The following SLC44A5 variants were observed in gnomAD, a reference collection of about 807,000 sequenced individuals.
The protein encoded by SLC44A5 is solute carrier family 44 member 5.
In SLC44A5, 57 loss-of-function variants were observed where a neutral mutation model predicts 101.8. That is an observed-to-expected ratio of 0.56 (90% CI 0.45 to 0.70). SLC44A5 has a LOEUF of 0.70. Among genes scored for constraint, SLC44A5 ranks in the 30% least tolerant of loss-of-function variants. The probability of loss-of-function intolerance (pLI) is 0.00; values close to 1 mark genes in which losing one functional copy is unlikely to be tolerated. For synonymous variants in SLC44A5, 281 were observed against 290.9 expected, an observed-to-expected ratio of 0.97 and a Z score of 0.35; for missense variants, 737 against 853.1, an observed-to-expected ratio of 0.86 and a Z score of 1.70.
chr1:75,449,786 A>C (rs1329713120), intron 2 of SLC44A5, among the ~76,000 whole-genome samples: 2 of 152,132 alleles, frequency 1.3e-5, no homozygotes, highest in African/African-American at 2.4e-5. Context: ...GCGGATCACA[A>C]GGTCAAGAGA....
At chr1:75,360,848 G>A (rs1307956266) in intron 3 of SLC44A5, among the ~76,000 whole-genome samples, 1 of 152,142 alleles carries the variant, frequency 6.6e-6, no homozygotes, top group Non-Finnish European at 1.5e-5. Context: ...TGTGAAAAAT[G>A]CCATTGAAAT....
At chr1:75,564,869 A>C (rs1253107484) in intron 1 of SLC44A5, among the ~76,000 whole-genome samples, 2 of 151,846 alleles carry the variant, frequency 1.3e-5, no homozygotes, top group Non-Finnish European at 2.9e-5. Flanking sequence ...TGATCCACCC[A>C]CCTCGGCCTC....
intron 5 of SLC44A5, among the ~76,000 whole-genome samples, chr1:75,297,871 A>C (rs1249192741): frequency 6.6e-6 from 1 of 152,170 alleles, no homozygotes; most frequent in Non-Finnish European, 1.5e-5. Context: ...TCTCTGTTGC[A>C]CTGAAGTATT....
At chr1:75,241,821 T>A (rs575990764) in intron 9 of SLC44A5, among the ~76,000 whole-genome samples, 180 bp downstream of exon 9, 1 of 152,222 alleles carries the variant, frequency 6.6e-6, no homozygotes, top group East Asian at 1.9e-4. Flanking sequence ...AGTGAAAATG[T>A]ACCTGGCTGG....
the SLC44A5 span, among the ~76,000 whole-genome samples, chr1:75,644,878 C>T: frequency 0.02 from 2,813 of 143,796 alleles, 94 homozygotes; most frequent in African/African-American, 0.068. Context: ...TGAGTGAGAA[C>T]ATGCGGTGTT....
intron 2 of SLC44A5, among the ~76,000 whole-genome samples, chr1:75,468,325 C>A (rs1017427534): frequency 6.6e-5 from 10 of 152,122 alleles, no homozygotes; most frequent in African/African-American, 2.2e-4. Context: ...TGGGTATACA[C>A]CCAAAAGAAA....
At chr1:75,610,951 T>G in intron 1 of SLC44A5, 89 bp downstream of exon 1, 2 of 373,690 alleles carry the variant, frequency 5.4e-6, no homozygotes, top group Non-Finnish European at 3.7e-6. Flanking sequence ...GTGTATTTCT[T>G]GAGTTGTATA....
At chr1:75,679,816 G>C in the SLC44A5 span, among the ~76,000 whole-genome samples, 2 of 152,008 alleles carry the variant, frequency 1.3e-5, no homozygotes, top group African/African-American at 4.8e-5. Flanking sequence ...ACACAGACTG[G>C]CAAATTGGAT....
chr1:75,269,142 CA>C (rs1651248247), intron 6 of SLC44A5, among the ~76,000 whole-genome samples: 1 of 152,012 alleles, frequency 6.6e-6, no homozygotes, highest in Non-Finnish European at 1.5e-5. Flanking sequence ...ACCTATAAGA[CA>C]AAAATAATAT....
At chr1:75,636,024 A>C in the SLC44A5 span, among the ~76,000 whole-genome samples, 1 of 151,790 alleles carries the variant, frequency 6.6e-6, no homozygotes, top group Non-Finnish European at 1.5e-5. Context: ...AATAACATAC[A>C]TTTTCCCCAT....
intron 2 of SLC44A5, among the ~76,000 whole-genome samples, chr1:75,497,454 AGTACAATG>A (rs1261139273): frequency 5.9e-5 from 9 of 152,150 alleles, no homozygotes; most frequent in Admixed American, 1.3e-4. Flanking sequence ...AGAAGAAGAG[AGTACAATG>A]GTGATTTCCT....
At chr1:75,662,466 ATGATAATTTAC>A in the SLC44A5 span, among the ~76,000 whole-genome samples, 11,578 of 151,960 alleles carry the variant, frequency 0.076, 1,465 homozygotes, top group African/African-American at 0.26. Context: ...ACTATAATTA[ATGATAATTTAC>A]TGTATATTTT....
the SLC44A5 span, among the ~76,000 whole-genome samples, chr1:75,704,705 A>T: frequency 6.6e-6 from 1 of 152,338 alleles, no homozygotes; most frequent in Non-Finnish European, 1.5e-5. Flanking sequence ...GCATGTGGTA[A>T]GAGACCAATA....
intron 3 of SLC44A5, among the ~76,000 whole-genome samples, chr1:75,374,045 C>T (rs1660403266): frequency 6.6e-6 from 1 of 152,176 alleles, no homozygotes; most frequent in Non-Finnish European, 1.5e-5. Flanking sequence ...CTGTTAGCTG[C>T]AGCTTCTGCC....
At chr1:75,296,318 GC>G (rs754164266) in intron 5 of SLC44A5, among the ~76,000 whole-genome samples, 24 of 151,616 alleles carry the variant, frequency 1.6e-4, no homozygotes, top group Non-Finnish European at 3.4e-4. Context: ...AGAATTTGCA[GC>G]CATGTATTAA....
intron 1 of SLC44A5, among the ~76,000 whole-genome samples, chr1:75,546,018 C>A (rs1671633867): frequency 6.6e-6 from 1 of 151,752 alleles, no homozygotes; most frequent in Admixed American, 6.6e-5. Context: ...GATGGGGTCT[C>A]CCTATGTTAC....
At chr1:75,523,228 C>T (rs1670235711) in intron 2 of SLC44A5, among the ~76,000 whole-genome samples, 1 of 152,104 alleles carries the variant, frequency 6.6e-6, no homozygotes. Flanking sequence ...CTTACCTGTG[C>T]CCTTCAGGTA....
chr1:75,384,584 T>G (rs1367288687), intron 3 of SLC44A5, among the ~76,000 whole-genome samples: 1 of 96,628 alleles, frequency 1.0e-5, no homozygotes, highest in East Asian at 2.7e-4. Context: ...ACAAAGAGAC[T>G]TAGACTCCCA....
intron 1 of SLC44A5, among the ~76,000 whole-genome samples, chr1:75,594,203 A>G (rs1207701165): frequency 6.6e-6 from 1 of 152,036 alleles, no homozygotes; most frequent in East Asian, 1.9e-4. Context: ...TCATTTAAAA[A>G]TTATACTGAG....
Sources: allele counts gnomAD v4.1 joint callset (sites outside exome capture counted in the v4.1 genomes callset), GRCh38; gene constraint gnomAD v4.1.1; transcripts MANE v1.5; gene names NCBI Gene and HGNC (gene_info 2026-07-23, HGNC 2026-07-21).